The following COL4A4 variants were observed in gnomAD, a reference collection of about 807,000 sequenced individuals.
COL4A4 encodes the protein collagen alpha-4(IV) chain.
Under a neutral mutation model 192.9 loss-of-function variants are expected in COL4A4, and 105 were observed. The ratio of observed to expected loss-of-function variants is 0.54; its 90% CI spans 0.46 to 0.64. The LOEUF (loss-of-function observed/expected upper bound fraction) is 0.64, where lower values mean the gene tolerates loss of function less well. COL4A4 is among the 30% of genes least tolerant of loss of function. The pLI is 0.00. For missense variants in COL4A4, 1,967 were observed against 2,169.3 expected (o/e 0.91, Z 1.85); for synonymous variants, 762 against 769.9 (o/e 0.99, Z 0.17).
chr2:227,091,720 C>G (rs748431557), intron 20 of COL4A4, among the ~76,000 whole-genome samples: 25 of 151,916 alleles, frequency 1.6e-4, no homozygotes, highest in Non-Finnish European at 3.2e-4. Flanking sequence ...ATGGTGAAAC[C>G]CTGTCTCTAC....
chr2:227,044,735 G>C (rs576283039), intron 35 of COL4A4, among the ~76,000 whole-genome samples: 1 of 152,142 alleles, frequency 6.6e-6, no homozygotes, highest in East Asian at 1.9e-4. Flanking sequence ...ACTGAACCCA[G>C]GATAATCACA....
At position 227,051,241 on chromosome 2, in the gene COL4A4, T is replaced by C. The variant is rs184717272; in HGVS notation, c.2969-83A>G. 4.1e-4 allele frequency: 583 copies of C among 1,423,576 alleles called. 2 individuals carry two copies. Among genetic ancestry groups the C allele is most frequent in the Middle Eastern group, 2.8e-3 (16 of 5,694 alleles). 88.2% of individuals were successfully genotyped at this position (1,423,576 alleles called of 1,614,324 possible). A position where few individuals can be genotyped will look rare whatever the true frequency, so the allele number is the denominator to read the frequency against. The stretch of plus-strand genomic sequence containing the variant: ...AAGCTGAGGGACCTGGTCCTACTTT[T>C]AGGAGATAAAGCCAAAGGTATTGAG... On this transcript the variant is annotated intron_variant, in intron 32 of 47. Coordinates refer to ENST00000396625, the MANE Select transcript of COL4A4 (RefSeq NM_000092.5).
At chr2:227,085,529 A>G (rs903053265) in intron 22 of COL4A4, among the ~76,000 whole-genome samples, 2 of 152,188 alleles carry the variant, frequency 1.3e-5, no homozygotes, top group African/African-American at 4.8e-5. Flanking sequence ...TGCAGACTGT[A>G]CAAGCCTGGC....
intron 25 of COL4A4, among the ~76,000 whole-genome samples, chr2:227,066,603 A>C (rs2058355698): frequency 6.6e-6 from 1 of 151,484 alleles, no homozygotes; most frequent in Admixed American, 6.6e-5. Context: ...AGAATTTCAT[A>C]TCCAGCCAAA....
At chr2:227,071,284 A>T (rs955040652) in intron 25 of COL4A4, among the ~76,000 whole-genome samples, 5 of 152,148 alleles carry the variant, frequency 3.3e-5, no homozygotes, top group African/African-American at 1.2e-4. Flanking sequence ...TCAAAATAAC[A>T]ATAGTAATAA....
At chr2:227,104,183 A>C in intron 12 of COL4A4, 131 bp from the exon 13 acceptor site, 1 of 767,046 alleles carries the variant, frequency 1.3e-6, no homozygotes, top group Non-Finnish European at 2.3e-6. Context: ...TGGCAAGTAC[A>C]TCATAGAATA....
At chr2:227,100,414 G>A (rs2060442714) in intron 17 of COL4A4, among the ~76,000 whole-genome samples, 1 of 151,472 alleles carries the variant, frequency 6.6e-6, no homozygotes, top group South Asian at 2.1e-4. Context: ...GTACTATACA[G>A]TCAGCACTCT....
At chr2:227,042,966 G>A (rs745819661) in intron 36 of COL4A4, 111 bp downstream of exon 36, 1 of 814,524 alleles carries the variant, frequency 1.2e-6, no homozygotes, top group African/African-American at 1.7e-5. Flanking sequence ...CACAGGTCTG[G>A]GAAATGGCAG....
downstream of COL4A4, among the ~76,000 whole-genome samples, chr2:227,002,420 C>G (rs923479317): frequency 6.6e-6 from 1 of 152,228 alleles, no homozygotes; most frequent in African/African-American, 2.4e-5. Flanking sequence ...AATGAGACAG[C>G]TGAGGCCAAG....
chr2:227,146,245 C>A (rs1452410638), intron 2 of COL4A4, among the ~76,000 whole-genome samples: 1 of 151,848 alleles, frequency 6.6e-6, no homozygotes, highest in Non-Finnish European at 1.5e-5. Flanking sequence ...TGGACTTGTT[C>A]TTTCTGCCAC....
chr2:227,072,865 C>A (rs1351622602), intron 25 of COL4A4, among the ~76,000 whole-genome samples: 2 of 151,908 alleles, frequency 1.3e-5, no homozygotes, highest in Non-Finnish European at 2.9e-5. Context: ...GACAAAAAAT[C>A]TCAACAAACA....
At chr2:227,053,543 C>CTTTTTTTTTTTTTT (rs56724633) in intron 31 of COL4A4, among the ~76,000 whole-genome samples, 1 of 102,256 alleles carries the variant, frequency 9.8e-6, no homozygotes, top group African/African-American at 4.0e-5. Context: ...TTTTCTTTTT[C>CTTTTTTTTTTTTTT]TTTTTTTTTT....
chr2:226,972,967 C>G, the COL4A4 span, among the ~76,000 whole-genome samples: 1 of 151,940 alleles, frequency 6.6e-6, no homozygotes, highest in South Asian at 2.1e-4. Flanking sequence ...GCAGGTTCCC[C>G]CACTGCTATA....
chr2:227,154,633 T>C (rs2064195540), intron 1 of COL4A4, among the ~76,000 whole-genome samples: 1 of 152,240 alleles, frequency 6.6e-6, no homozygotes, highest in East Asian at 1.9e-4. Flanking sequence ...GCCATCTGAA[T>C]ACTCTCTTTC....
At chr2:227,134,902 T>C (rs1407638325) in intron 4 of COL4A4, among the ~76,000 whole-genome samples, 1 of 152,198 alleles carries the variant, frequency 6.6e-6, no homozygotes, top group Non-Finnish European at 1.5e-5. Context: ...GAAAACAATA[T>C]GGGGAAAAAA....
intron 2 of COL4A4, among the ~76,000 whole-genome samples, chr2:227,144,949 G>A (rs548621720): frequency 6.6e-5 from 10 of 152,206 alleles, no homozygotes; most frequent in African/African-American, 2.2e-4. Context: ...ATCCCATAAT[G>A]CCATTTAGTG....
chr2:227,055,250 C>T (rs1199117160), intron 30 of COL4A4, among the ~76,000 whole-genome samples: 1 of 151,994 alleles, frequency 6.6e-6, no homozygotes, highest in Non-Finnish European at 1.5e-5. Context: ...CACGGTGACT[C>T]AGACCTGCAA....
chr2:227,016,359 C>T (rs141495576), intron 44 of COL4A4, among the ~76,000 whole-genome samples: 2 of 152,302 alleles, frequency 1.3e-5, no homozygotes, highest in East Asian at 3.9e-4. Flanking sequence ...GTATGGATAT[C>T]ACACTGAATA....
At chr2:227,112,132 C>A (rs1277596449) in intron 8 of COL4A4, among the ~76,000 whole-genome samples, 2 of 152,152 alleles carry the variant, frequency 1.3e-5, no homozygotes, top group Admixed American at 1.3e-4. Flanking sequence ...CTCACACCAG[C>A]CTCTGTCTAC....
Sources: gnomAD v4.1 joint callset for allele counts (sites outside exome capture counted in the v4.1 genomes callset) on GRCh38, gnomAD v4.1.1 for gene constraint, MANE v1.5 for transcripts, NCBI Gene and HGNC (gene_info 2026-07-23, HGNC 2026-07-21) for gene names.